Variants in DIS3 observed in about 807,000 individuals in gnomAD.
DIS3 encodes exosome complex exonuclease RRP44.
DIS3 carries 103 observed loss-of-function variants against 113.0 expected under a neutral mutation model. The ratio of observed to expected loss-of-function variants is 0.91; its 90% CI spans 0.78 to 1.07. DIS3 has a LOEUF of 1.07. DIS3 is among the 50% of genes least tolerant of loss of function. The probability of loss-of-function intolerance (pLI) is 0.00; values close to 1 mark genes in which losing one functional copy is unlikely to be tolerated. For synonymous variants in DIS3, 402 were observed against 394.3 expected (o/e 1.02, Z -0.23); for missense variants, 1,121 against 1,167.1 (o/e 0.96, Z 0.58).
At chr13:72,767,032 A>G (rs2033766457) in intron 14 of DIS3, among the ~76,000 whole-genome samples, 1 of 152,156 alleles carries the variant, frequency 6.6e-6, no homozygotes, top group African/African-American at 2.4e-5. Flanking sequence ...TCTGATATGT[A>G]TTTATTAATG....
At position 72,765,976 on chromosome 13, in the gene DIS3, G is replaced by A; in HGVS notation, c.1966C>T (p.Leu656Phe). Residue 656 changes from leucine to phenylalanine, a missense_variant, in exon 15 of 21, where the codon CTT (leucine) becomes TTT (phenylalanine). Around this residue, in one of 3 missense-constraint regions of DIS3, gnomAD observed 861 missense variants for 915.5 expected, o/e 0.94. Transcript: ENST00000377767. ...CCCATCAAAAAAATTACAAACCTAA[G>A]TTCCTTGGTCTGCAGATCTATAGGA... The part of the protein sequence containing the change: ...HDPIDLQTKE[L>F]RETNSMVEEF... 5 of 1,601,878 alleles carry A rather than the reference G, an allele frequency of 3.1e-6. No individual in the cohort carries two copies. The highest frequency in any genetic ancestry group is 3.4e-6 in the Non-Finnish European group (4 of 1,174,494).
chr13:72,765,669 A>G (rs915223990), intron 15 of DIS3, among the ~76,000 whole-genome samples: 1 of 152,224 alleles, frequency 6.6e-6, no homozygotes, highest in Non-Finnish European at 1.5e-5. Flanking sequence ...ATTCTACTTT[A>G]GAAATTAATT....
In DIS3 at chr13:72,775,247, T is replaced by C; in HGVS notation, c.951A>G (p.Glu317=). ...SVVLHDEGQN[E]EDVEKEEETE... is the part of the protein sequence containing the mutation. ...TCTCTTCTTCTTTCTCCACATCTTC[T>C]TCATTTTGACCTTCATCATGTAAAA... The change falls in exon 6 of 21, where the codon GAA becomes GAG. Residue 317 remains glutamate (E), a synonymous_variant. Transcript: ENST00000377767. 9 of 1,613,512 alleles carry C rather than the reference T, an allele frequency of 5.6e-6. No individual in the cohort carries two copies. Among genetic ancestry groups the C allele is most frequent in the Non-Finnish European group, 7.6e-6 (9 of 1,179,656 alleles).
intron 2 of DIS3, among the ~76,000 whole-genome samples, chr13:72,779,255 G>A (rs1486157778): frequency 6.6e-6 from 1 of 151,762 alleles, no homozygotes; most frequent in African/African-American, 2.4e-5. Context: ...AAGTAGCTGG[G>A]ACTAGAGGCA....
Position 72,755,000 on chromosome 13 carries a change from GAATATTGATTTATAA to G in DIS3, c.*4780_*4794del. ...AAGTGTTGGGATGCTTTTTGATGCA[GAATATTGATTTATAA>G]AATACTGTATCTTTACTGTCCCTTC... On this transcript the variant is annotated 3_prime_UTR_variant, in exon 21 of 21. Coordinates refer to ENST00000377767, the MANE Select transcript of DIS3 (RefSeq NM_014953.5). The G allele has an allele frequency of 1.6e-6, 1 of 607,242 alleles. No homozygotes were observed. 37.6% of individuals were successfully genotyped at this position (607,242 alleles called of 1,614,324 possible).
rs772232538 is a variant in DIS3, at chr13:72,773,718, A to G, written c.1205T>C (p.Ile402Thr). 6.2e-7 allele frequency: 1 copy of G among 1,612,820 alleles called. No homozygotes were observed. The highest frequency in any genetic ancestry group is 1.7e-5 in the Admixed American group (1 of 59,758). The change falls in exon 8 of 21, where the codon ATT (isoleucine) becomes ACT (threonine). Residue 402 changes from isoleucine to threonine, a missense_variant. Physicochemically the swap from Ile to Thr is moderately conservative, Grantham distance 89. This residue lies in a region of DIS3 where 861 missense variants were observed against 915.5 expected (regional missense o/e 0.94). Coordinates refer to ENST00000377767, the MANE Select transcript of DIS3 (RefSeq NM_014953.5). ...TLEGRRIIVA[I>T]DGWPRNSRYP... ...TCTGGAATTTCTGGGCCAACCATCA[A>G]TAGCAACAATAATTCTCCGTCCTTC... is the stretch of plus-strand genomic sequence containing the variant.
At chr13:72,777,326 A>G in intron 4 of DIS3, 94 bp downstream of exon 4, 2 of 1,217,826 alleles carry the variant, frequency 1.6e-6, no homozygotes. Context: ...TTACCCACCG[A>G]CATTCCAATT....
intron 16 of DIS3, 75 bp downstream of exon 16, chr13:72,763,376 T>C: frequency 6.9e-7 from 1 of 1,456,124 alleles, no homozygotes; most frequent in Non-Finnish European, 9.2e-7. Context: ...TTTATGGAAA[T>C]ATGAATATAA....
At position 72,772,176 on chromosome 13, in the gene DIS3, C is replaced by T. The variant is rs575448022; in HGVS notation, c.1486G>A (p.Glu496Lys). The T allele has an allele frequency of 1.9e-5, 31 of 1,612,560 alleles. No individual in the cohort carries two copies. Among genetic ancestry groups the T allele is most frequent in the African/African-American group, 1.7e-4 (13 of 74,968 alleles). ...ATGAATACCTCCAAATTTCCATTTT[C>T]GAGTTCTCGACAATGTAGAGCATCG... ...IDDALHCREL[E>K]NGNLEVGVHI... Residue 496 changes from glutamate (E) to lysine (K), a missense_variant, in exon 10 of 21, where the codon GAA becomes AAA. Around this residue, in one of 3 missense-constraint regions of DIS3, gnomAD observed 861 missense variants for 915.5 expected, o/e 0.94. Transcript: ENST00000377767.
rs1281126718 is a variant in DIS3, at chr13:72,753,105, C to T, written c.*6690G>A. ...AATATTAAATATATAGAGATAGTGCCTGGCCTTTTTAGACACTCAATAAAT... is the reference window on the plus strand; with the variant it reads ...AATATTAAATATATAGAGATAGTGCTTGGCCTTTTTAGACACTCAATAAAT... On this transcript the variant is annotated 3_prime_UTR_variant, in exon 21 of 21. Coordinates refer to ENST00000377767, the MANE Select transcript of DIS3 (RefSeq NM_014953.5). 1.3e-5 allele frequency: 2 copies of T among 152,158 alleles called. No homozygotes were observed. The highest frequency in any genetic ancestry group is 4.8e-5 in the African/African-American group (2 of 41,440). The allele number at this position is 152,158 out of a possible 1,614,324, so 9.4% of individuals were successfully genotyped here.
chr13:72,775,088 T>C, intron 6 of DIS3, 123 bp downstream of exon 6: 1 of 1,101,104 alleles, frequency 9.1e-7, no homozygotes, highest in Non-Finnish European at 1.2e-6. Flanking sequence ...ATGACATGCG[T>C]TAAATATACA....
chr13:72,780,711 A>G lies in DIS3; in HGVS notation c.386+135T>C. 3.4e-6 allele frequency: 3 copies of G among 877,348 alleles called. No homozygotes were observed. In the South Asian group the frequency reaches 5.4e-5, roughly 16 times the overall value. The allele number at this position is 877,348 out of a possible 1,614,324, so 54.3% of individuals were successfully genotyped here. ...ATCCACTTAGCATTATCTTCTGCAC[A>G]GCCATGTAAGAATTAAATAAGGTAT... On this transcript the variant is annotated intron_variant, in intron 2 of 20. Coordinates refer to ENST00000377767, the MANE Select transcript of DIS3 (RefSeq NM_014953.5).
rs1060841 is a variant in DIS3, at chr13:72,758,790, A to G, written c.*1005T>C. 148,720 of 199,160 alleles carry G rather than the reference A, an allele frequency of 0.75. 55,975 individuals carry two copies. Among genetic ancestry groups the G allele is most frequent in the African/African-American group, 0.82 (35,702 of 43,554 alleles). The allele number at this position is 199,160 out of a possible 1,614,324, so 12.3% of individuals were successfully genotyped here. A position where few individuals can be genotyped will look rare whatever the true frequency, so the allele number is the denominator to read the frequency against. Reference sequence around the variant, plus strand: ...TGCAAGCTCCTTGAAGGCAGAGATAATTTACTTGAGTGGAACCTGGCACAA... The same window carrying G: ...TGCAAGCTCCTTGAAGGCAGAGATAGTTTACTTGAGTGGAACCTGGCACAA... On this transcript the variant is annotated 3_prime_UTR_variant, in exon 21 of 21. Coordinates refer to ENST00000377767, the MANE Select transcript of DIS3 (RefSeq NM_014953.5).
Position 72,756,091 on chromosome 13 carries a change from A to G in DIS3, c.*3704T>C. 4 of 397,150 alleles carry G rather than the reference A, an allele frequency of 1.0e-5. No homozygotes were observed. The allele number at this position is 397,150 out of a possible 1,614,324, so 24.6% of individuals were successfully genotyped here. A position where few individuals can be genotyped will look rare whatever the true frequency, so the allele number is the denominator to read the frequency against. On this transcript the variant is annotated 3_prime_UTR_variant, in exon 21 of 21. Coordinates refer to ENST00000377767, the MANE Select transcript of DIS3 (RefSeq NM_014953.5). ...ATATCCATGTTGGGAGTAGATGGGT[A>G]TATAACAGTTTGGAAATACTATCTT...
In DIS3 at chr13:72,761,949, G is replaced by T; in HGVS notation, c.2316C>A (p.Tyr772Ter). The T allele has an allele frequency of 1.2e-6, 2 of 1,614,152 alleles. No homozygotes were observed. The highest frequency in any genetic ancestry group is 1.7e-6 in the Non-Finnish European group (2 of 1,180,032). Reference sequence around the variant, plus strand: ...TTCTAATGGGTGAAGTAAAATGTGTGTATATTGGAGACGCTAAGCCATAGT... The same window carrying T: ...TTCTAATGGGTGAAGTAAAATGTGTTTATATTGGAGACGCTAAGCCATAGT... ...FHHYGLASPI[Y>*]THFTSPIRRY... Residue 772 changes from tyrosine (Y) to a stop codon, truncating the protein, a stop_gained, in exon 17 of 21, where the codon TAC becomes TAA. Transcript: ENST00000377767. LOFTEE classifies it high-confidence loss of function.
intron 6 of DIS3, 62 bp downstream of exon 6, chr13:72,775,149 A>G: frequency 6.9e-7 from 1 of 1,459,780 alleles, no homozygotes; most frequent in Non-Finnish European, 9.1e-7. Context: ...TTGTTTTCCA[A>G]AGCTGACATA....
chr13:72,766,144 T>C (rs2033744941), intron 14 of DIS3, 86 bp from the exon 15 acceptor site: 1 of 1,133,490 alleles, frequency 8.8e-7, no homozygotes, highest in African/African-American at 1.6e-5. Flanking sequence ...AAAAAGACAA[T>C]GACTACAGCA....
In DIS3 at chr13:72,758,429, A is replaced by T. The variant is rs1394101176; in HGVS notation, c.*1366T>A. Reference sequence around the variant, plus strand: ...AACACAGTCATGTTGATTTGTTTACATATTGTATATGGCTCCTTACACACT... The same window carrying T: ...AACACAGTCATGTTGATTTGTTTACTTATTGTATATGGCTCCTTACACACT... On this transcript the variant is annotated 3_prime_UTR_variant, in exon 21 of 21. Coordinates refer to ENST00000377767, the MANE Select transcript of DIS3 (RefSeq NM_014953.5). 4 of 196,334 alleles carry T rather than the reference A, an allele frequency of 2.0e-5. No individual in the cohort carries two copies. The allele number at this position is 196,334 out of a possible 1,614,324, so 12.2% of individuals were successfully genotyped here.
At chr13:72,772,540 C>T (rs903514573) in intron 9 of DIS3, among the ~76,000 whole-genome samples, 153 bp downstream of exon 9, 2 of 151,998 alleles carry the variant, frequency 1.3e-5, no homozygotes. Context: ...AAGCAAATGA[C>T]TTCTTCTATA....
Sources: gnomAD v4.1 joint callset for allele counts (sites outside exome capture counted in the v4.1 genomes callset) on GRCh38, gnomAD v4.1.1 for gene constraint, gnomAD v4.1.1 regional missense constraint, MANE v1.5 for transcripts, NCBI Gene and HGNC (gene_info 2026-07-23, HGNC 2026-07-21) for gene names.